ADAMTS4: variants seen among roughly 807,000 people sequenced by gnomAD.
ADAMTS4 encodes ADAM metallopeptidase with thrombospondin type 1 motif 4.
In ADAMTS4, 38 loss-of-function variants were observed where a neutral mutation model predicts 66.7. That is an observed-to-expected ratio of 0.57 (90% CI 0.44 to 0.75). ADAMTS4 has a LOEUF of 0.75. Among genes scored for constraint, ADAMTS4 ranks in the 30% least tolerant of loss-of-function variants. The probability of loss-of-function intolerance (pLI) is 0.00; values close to 1 mark genes in which losing one functional copy is unlikely to be tolerated. For synonymous variants in ADAMTS4, 418 were observed against 461.5 expected (o/e 0.91, Z 1.21); for missense variants, 1,014 against 1,116.7 (o/e 0.91, Z 1.31).
At position 161,193,807 on chromosome 1, in the gene ADAMTS4, C is replaced by T. The variant is rs753203978; in HGVS notation, c.1568G>A (p.Trp523Ter). The stretch of plus-strand genomic sequence containing the variant: ...GTCACCCCATGGTCCCCAAGGACCC[C>T]AGCCACCAGCCTGTGGAATCTGCAA... ...QDFNIPQAGG[W>*]GPWGPWGDCS... Residue 523 changes from tryptophan to a stop codon, truncating the protein, a stop_gained, in exon 6 of 9, where the codon TGG (tryptophan) becomes TAG (stop). Coordinates refer to ENST00000367996, the MANE Select transcript of ADAMTS4 (RefSeq NM_005099.6). LOFTEE classifies it high-confidence loss of function. This position sits in a 1 kb window ranked among gnomAD's most constrained non-coding sequence, Gnocchi z 4.4. 46 of 1,607,432 alleles carry T rather than the reference C, an allele frequency of 2.9e-5. No homozygotes were observed. Among genetic ancestry groups the T allele is most frequent in the Non-Finnish European group, 3.7e-5 (44 of 1,176,648 alleles).
In ADAMTS4 at chr1:161,198,426, T is replaced by G. The variant is rs1479070493; in HGVS notation, c.202A>C (p.Asn68His). ...EEEIVFPEKL[N>H]GSVLPGSGAP... is the part of the protein sequence containing the mutation. ...CCCGAGCCAGGCAGGACGCTGCCGT[T>G]GAGCTTCTCTGGAAACACGATCTCC... Residue 68 changes from asparagine to histidine, a missense_variant, in exon 1 of 9, where the codon AAC becomes CAC. By Grantham distance (68) the Asn-to-His change is moderately conservative. Transcript: ENST00000367996. The surrounding 1 kb of genome is among the most constrained non-coding windows in gnomAD (Gnocchi z 4.7). 1 of 1,594,726 alleles carries G rather than the reference T, an allele frequency of 6.3e-7. No homozygotes were observed. Among genetic ancestry groups the G allele is most frequent in the Non-Finnish European group, 8.5e-7 (1 of 1,171,070 alleles).
chr1:161,196,856 C>T lies in ADAMTS4; in HGVS notation c.658G>A (p.Val220Met). The T allele has an allele frequency of 1.2e-6, 2 of 1,604,592 alleles. No homozygotes were observed. The highest frequency in any genetic ancestry group is 8.5e-7 in the Non-Finnish European group (1 of 1,178,248). ...TCATCTGCCACCACCAGTGTCTCCA[C>T]AAATCTACTCAGTGAAGCAAAGCGC... ...AKRFASLSRF[V>M]ETLVVADDKM... Residue 220 changes from valine (V) to methionine (M), a missense_variant, in exon 2 of 9, where the codon GTG becomes ATG. Coordinates refer to ENST00000367996, the MANE Select transcript of ADAMTS4 (RefSeq NM_005099.6).
At chr1:161,195,772 G>A (rs1664805884) in intron 3 of ADAMTS4, 137 bp from the exon 4 acceptor site, 11 of 782,206 alleles carry the variant, frequency 1.4e-5, no homozygotes. Flanking sequence ...TTTCCTTTAT[G>A]GTACTCTCAG....
rs777293949 is a variant in ADAMTS4, at chr1:161,197,955, C to T, written c.633+40G>A. The T allele has an allele frequency of 1.8e-5, 27 of 1,522,886 alleles. No homozygotes were observed. In the South Asian group the frequency reaches 2.7e-4, roughly 15 times the overall value. The allele number at this position is 1,522,886 out of a possible 1,614,324, so 94.3% of individuals were successfully genotyped here. A position where few individuals can be genotyped will look rare whatever the true frequency, so the allele number is the denominator to read the frequency against. ...ATAGGGGTCAGTAGGACAGACATGG[C>T]GGGAGGACACCGCAGGACACAGACT... is the stretch of plus-strand genomic sequence containing the variant. On this transcript the variant is annotated intron_variant, in intron 1 of 8. Transcript: ENST00000367996.
At position 161,198,328 on chromosome 1, in the gene ADAMTS4, G is replaced by A. The variant is rs1342988710; in HGVS notation, c.300C>T (p.Ser100=). The A allele has an allele frequency of 6.2e-6, 10 of 1,613,104 alleles. No individual in the cohort carries two copies. Among genetic ancestry groups the A allele is most frequent in the African/African-American group, 2.7e-5 (2 of 74,926 alleles). ...ETLLLELEQD[S]GVQVEGLTVQ... ...CTGTCAGCCCCTCGACCTGCACACC[G>A]GAGTCCTGCTCCAGCTCTAGTAGCA... The change falls in exon 1 of 9, where the codon TCC becomes TCT. Residue 100 remains serine, a synonymous_variant. Transcript: ENST00000367996. This position sits in a 1 kb window ranked among gnomAD's most constrained non-coding sequence, Gnocchi z 4.7.
chr1:161,193,269 A>G lies in ADAMTS4; in HGVS notation c.1855T>C (p.Cys619Arg). 6.2e-7 allele frequency: 1 copy of G among 1,614,052 alleles called. No homozygotes were observed. Among genetic ancestry groups the G allele is most frequent in the Non-Finnish European group, 8.5e-7 (1 of 1,180,000 alleles). The change falls in exon 7 of 9, where the codon TGC becomes CGC. Residue 619 changes from cysteine to arginine, a missense_variant. Physicochemically the swap from Cys to Arg is radical, Grantham distance 180. Coordinates refer to ENST00000367996, the MANE Select transcript of ADAMTS4 (RefSeq NM_005099.6). The surrounding 1 kb of genome is among the most constrained non-coding windows in gnomAD (Gnocchi z 4.4). ...GCCTGGGCCTGGCAGGTGAGTTTGC[A>G]CTGGTCCTGGGGGGCCACGCCTGTG... ...RYTGVAPQDQ[C>R]KLTCQAQALG...
chr1:161,198,366 A>C lies in ADAMTS4; in HGVS notation c.262T>G (p.Phe88Val). The C allele has an allele frequency of 6.2e-7, 1 of 1,613,024 alleles. No individual in the cohort carries two copies. Among genetic ancestry groups the C allele is most frequent in the Non-Finnish European group, 8.5e-7 (1 of 1,179,826 alleles). Residue 88 changes from phenylalanine to valine, a missense_variant, in exon 1 of 9, where the codon TTT becomes GTT. Phe to Val is a conservative substitution (Grantham distance 50). Coordinates refer to ENST00000367996, the MANE Select transcript of ADAMTS4 (RefSeq NM_005099.6). This position sits in a 1 kb window ranked among gnomAD's most constrained non-coding sequence, Gnocchi z 4.7. ...AGCTCTAGTAGCAGCGTCTCCCCAA[A>C]GGCCTGCAAGCGGCACAACAGCCTG... is the stretch of plus-strand genomic sequence containing the variant. ...PARLLCRLQA[F>V]GETLLLELEQ...
rs150616368 is a variant in ADAMTS4 at position 161,198,539 on chromosome 1, G to A, written c.89C>T (p.Pro30Leu). 2.6e-6 allele frequency: 4 copies of A among 1,565,688 alleles called. No individual in the cohort carries two copies. The highest frequency in any genetic ancestry group is 1.2e-5 in the South Asian group (1 of 85,484). The stretch of plus-strand genomic sequence containing the variant: ...AAGCAGCCACACCAGCCAGGAGAGC[G>A]GCACAATGGGGAGCAGGAGGCAGGG... Reference protein sequence around the residue: ...AQPCLLLPIVPLSWLVWLLLL... With the variant: ...AQPCLLLPIVLLSWLVWLLLL... Residue 30 changes from proline to leucine, a missense_variant, in exon 1 of 9, where the codon CCG becomes CTG. Physicochemically the swap from Pro to Leu is moderately conservative, Grantham distance 98 (BLOSUM62 -3). Transcript: ENST00000367996. The surrounding 1 kb of genome is among the most constrained non-coding windows in gnomAD (Gnocchi z 4.7).
rs750062990 is a variant in ADAMTS4 at position 161,198,090 on chromosome 1, T to G, written c.538A>C (p.Ile180Leu). 4 of 1,613,418 alleles carry G rather than the reference T, an allele frequency of 2.5e-6. No individual in the cohort carries two copies. The highest frequency in any genetic ancestry group is 3.4e-6 in the Non-Finnish European group (4 of 1,179,582). The change falls in exon 1 of 9, where the codon ATC becomes CTC. Residue 180 changes from isoleucine to leucine, a missense_variant. Physicochemically the swap from Ile to Leu is conservative, Grantham distance 5. Coordinates refer to ENST00000367996, the MANE Select transcript of ADAMTS4 (RefSeq NM_005099.6). The surrounding 1 kb of genome is among the most constrained non-coding windows in gnomAD (Gnocchi z 4.7). ...CTGGCAGGACTCTTCCGGCGTAGGATGTGAGCCCCAGGTCCCCCAGCAGAG... is the reference window on the plus strand; with the variant it reads ...CTGGCAGGACTCTTCCGGCGTAGGAGGTGAGCCCCAGGTCCCCCAGCAGAG... ...PNSAGGPGAH[I>L]LRRKSPASGQ...
At position 161,187,562 on chromosome 1, in the gene ADAMTS4, G is replaced by A. The variant is rs1172662773; in HGVS notation, c.*3576C>T. The A allele has an allele frequency of 6.6e-6, 1 of 152,228 alleles. No individual in the cohort carries two copies. The highest frequency in any genetic ancestry group is 1.5e-5 in the Non-Finnish European group (1 of 68,160). The allele number at this position is 152,228 out of a possible 1,614,324, so 9.4% of individuals were successfully genotyped here. A position where few individuals can be genotyped will look rare whatever the true frequency, so the allele number is the denominator to read the frequency against. The stretch of plus-strand genomic sequence containing the variant: ...CTGTGCTGGCTGGTGTAGAGTACAG[G>A]GTGCTGTATAAGGCACTGCCTGGTA... On this transcript the variant is annotated 3_prime_UTR_variant, in exon 9 of 9. Transcript: ENST00000367996.
In ADAMTS4 at chr1:161,193,544, C is replaced by A; in HGVS notation, c.1735+96G>T. 6.6e-7 allele frequency: 1 copy of A among 1,506,958 alleles called. No individual in the cohort carries two copies. The highest frequency in any genetic ancestry group is 9.0e-7 in the Non-Finnish European group (1 of 1,113,532). 93.3% of individuals were successfully genotyped at this position (1,506,958 alleles called of 1,614,324 possible). A position where few individuals can be genotyped will look rare whatever the true frequency, so the allele number is the denominator to read the frequency against. ...AGGTTAAAGGCACTCCCCACAGCAG[C>A]AGGGGAATCAACACCCCCTTGGTCT... On this transcript the variant is annotated intron_variant, in intron 6 of 8. Coordinates refer to ENST00000367996, the MANE Select transcript of ADAMTS4 (RefSeq NM_005099.6). This position sits in a 1 kb window ranked among gnomAD's most constrained non-coding sequence, Gnocchi z 4.4.
At position 161,198,479 on chromosome 1, in the gene ADAMTS4, C is replaced by T. The variant is rs773546873; in HGVS notation, c.149G>A (p.Arg50Gln). The change falls in exon 1 of 9, where the codon CGG becomes CAG. Residue 50 changes from arginine to glutamine, a missense_variant. Coordinates refer to ENST00000367996, the MANE Select transcript of ADAMTS4 (RefSeq NM_005099.6). This position sits in a 1 kb window ranked among gnomAD's most constrained non-coding sequence, Gnocchi z 4.7. ...LLLASLLPSA[R>Q]LASPLPREEE... is the part of the protein sequence containing the mutation. ...CTCCCGGGGGAGGGGGCTGGCCAGC[C>T]GGGCTGAGGGCAGGAGAGAGGCCAG... The T allele has an allele frequency of 6.9e-5, 109 of 1,568,782 alleles. 1 individual carries two copies. In the Admixed American group the frequency reaches 1.4e-3, roughly 20 times the overall value.
At position 161,193,313 on chromosome 1, in the gene ADAMTS4, A is replaced by G. The variant is rs760642857; in HGVS notation, c.1811T>C (p.Met604Thr). Residue 604 changes from methionine (M) to threonine (T), a missense_variant, in exon 7 of 9, where the codon ATG (methionine) becomes ACG (threonine). Met to Thr is a moderately conservative substitution (Grantham distance 81, BLOSUM62 -1). Transcript: ENST00000367996. This position sits in a 1 kb window ranked among gnomAD's most constrained non-coding sequence, Gnocchi z 4.4. ...GCCTGTGTAGCGAGGAACCCAGTCCATGGGCCCTGGGAAGCTCTTGAAGAG... is the reference window on the plus strand; with the variant it reads ...GCCTGTGTAGCGAGGAACCCAGTCCGTGGGCCCTGGGAAGCTCTTGAAGAG... Reference protein sequence around the residue: ...TDLFKSFPGPMDWVPRYTGVA... With the variant: ...TDLFKSFPGPTDWVPRYTGVA... 3.7e-6 allele frequency: 6 copies of G among 1,614,028 alleles called. No individual in the cohort carries two copies. Among genetic ancestry groups the G allele is most frequent in the Non-Finnish European group, 5.1e-6 (6 of 1,180,000 alleles).
Position 161,191,166 on chromosome 1 carries a change from C to G in ADAMTS4, c.2486G>C (p.Arg829Pro), listed in dbSNP as rs149404061. ...TTTCCTGCCCGCCCAGGGGCGCCGC[C>G]GAAGGATCTCCAGAATCTGTGCTCT... is the stretch of plus-strand genomic sequence containing the variant. ...HRRAQILEIL[R>P]RRPWAGRK Residue 829 changes from arginine to proline, a missense_variant, in exon 9 of 9, where the codon CGG becomes CCG. Coordinates refer to ENST00000367996, the MANE Select transcript of ADAMTS4 (RefSeq NM_005099.6). 1.9e-6 allele frequency: 3 copies of G among 1,570,554 alleles called. No individual in the cohort carries two copies. The highest frequency in any genetic ancestry group is 1.2e-5 in the South Asian group (1 of 86,910).
At chr1:161,196,516 A>G in intron 2 of ADAMTS4, 41 bp downstream of exon 2, 2 of 1,595,312 alleles carry the variant, frequency 1.3e-6, no homozygotes, top group Non-Finnish European at 8.6e-7. Flanking sequence ...GCTTCTTAGA[A>G]TTGTGCAGTG....
chr1:161,191,004 G>T lies in ADAMTS4; in HGVS notation c.*134C>A. 1.9e-6 allele frequency: 2 copies of T among 1,058,134 alleles called. No individual in the cohort carries two copies. Among genetic ancestry groups the T allele is most frequent in the South Asian group, 1.7e-5 (1 of 58,128 alleles). The allele number at this position is 1,058,134 out of a possible 1,614,324, so 65.5% of individuals were successfully genotyped here. ...CAGGGCCAGCCTGCGCATTAGGGCA[G>T]AGAGGAGGGGCAGGTCTCACGCCCA... On this transcript the variant is annotated 3_prime_UTR_variant, in exon 9 of 9. Transcript: ENST00000367996.
chr1:161,198,221 G>A lies in ADAMTS4; in HGVS notation c.407C>T (p.Pro136Leu), dbSNP rs199826453. The A allele has an allele frequency of 7.4e-6, 12 of 1,614,070 alleles. No individual in the cohort carries two copies. Among genetic ancestry groups the A allele is most frequent in the Middle Eastern group, 3.3e-4 (2 of 6,060 alleles). The change falls in exon 1 of 9, where the codon CCG (proline) becomes CTG (leucine). Residue 136 changes from proline (P) to leucine (L), a missense_variant. Coordinates refer to ENST00000367996, the MANE Select transcript of ADAMTS4 (RefSeq NM_005099.6). The surrounding 1 kb of genome is among the most constrained non-coding windows in gnomAD (Gnocchi z 4.7). ...CCAGTGCAGAGATGCCACCGACTCCGGATCTCCATTGATGGTGCCAGTCAG... is the reference window on the plus strand; with the variant it reads ...CCAGTGCAGAGATGCCACCGACTCCAGATCTCCATTGATGGTGCCAGTCAG... ...TYLTGTINGD[P>L]ESVASLHWDG...
At position 161,198,370 on chromosome 1, in the gene ADAMTS4, C is replaced by G; in HGVS notation, c.258G>C (p.Gln86His). The stretch of plus-strand genomic sequence containing the variant: ...CTAGTAGCAGCGTCTCCCCAAAGGC[C>G]TGCAAGCGGCACAACAGCCTGGCAG... Reference protein sequence around the residue: ...GAPARLLCRLQAFGETLLLEL... With the variant: ...GAPARLLCRLHAFGETLLLEL... Residue 86 changes from glutamine (Q) to histidine (H), a missense_variant, in exon 1 of 9, where the codon CAG becomes CAC. Physicochemically the swap from Gln to His is conservative, Grantham distance 24 (BLOSUM62 0). Transcript: ENST00000367996. The surrounding 1 kb of genome is among the most constrained non-coding windows in gnomAD (Gnocchi z 4.7). 1 of 1,613,036 alleles carries G rather than the reference C, an allele frequency of 6.2e-7. No individual in the cohort carries two copies. The highest frequency in any genetic ancestry group is 8.5e-7 in the Non-Finnish European group (1 of 1,179,814).
chr1:161,194,370 AT>A lies in ADAMTS4; in HGVS notation c.1262-150del. The A allele has an allele frequency of 1.5e-6, 1 of 673,952 alleles. No homozygotes were observed. The highest frequency in any genetic ancestry group is 2.3e-6 in the Non-Finnish European group (1 of 436,284). 41.7% of individuals were successfully genotyped at this position (673,952 alleles called of 1,614,324 possible). A position where few individuals can be genotyped will look rare whatever the true frequency, so the allele number is the denominator to read the frequency against. On this transcript the variant is annotated intron_variant, in intron 4 of 8. Transcript: ENST00000367996. This position sits in a 1 kb window ranked among gnomAD's most constrained non-coding sequence, Gnocchi z 4.1. ...AGGATTTAAATTTTTGTTATTTATA[AT>A]TTTTATTTTAATTACTTACTTTTTT... is the stretch of plus-strand genomic sequence containing the variant.
Sources: gnomAD v4.1 joint callset for allele counts on GRCh38, gnomAD v4.1.1 for gene constraint, Gnocchi (gnomAD v3.1) non-coding constraint, MANE v1.5 for transcripts, NCBI Gene and HGNC (gene_info 2026-07-23, HGNC 2026-07-21) for gene names.